DIAPH2: variants seen among roughly 807,000 people sequenced by gnomAD.
DIAPH2 encodes the protein diaphanous related formin 2, also known as protein diaphanous homolog 2.
DIAPH2 carries 35 observed loss-of-function variants against 92.7 expected under a neutral mutation model. The observed-to-expected ratio is 0.38, with a 90% CI of 0.29 to 0.50. The LOEUF is 0.50. Among genes scored for constraint, DIAPH2 ranks in the 20% least tolerant of loss-of-function variants. The pLI is 0.94. For synonymous variants in DIAPH2, 301 were observed against 280.4 expected, an observed-to-expected ratio of 1.07 and a Z score of -0.73; for missense variants, 701 against 819.5, an observed-to-expected ratio of 0.86 and a Z score of 1.77.
chrX:96,831,427 G>A (rs1293925754), intron 4 of DIAPH2, among the ~76,000 whole-genome samples: 1 of 112,060 alleles, frequency 8.9e-6, no homozygotes, highest in African/African-American at 3.2e-5. Flanking sequence ...TTTTGGCTCT[G>A]CCATTTACAG....
At position 97,052,204 on chromosome X, in the gene DIAPH2, A is replaced by G. The variant is rs183811195; in HGVS notation, c.2051-20737A>G. ...GACAAGGAGAGACATGGGCGTCATC[A>G]TGGAAGCAGAGGTAATTGAGCTGTG... is the stretch of plus-strand genomic sequence containing the variant. On this transcript the variant is annotated intron_variant, in intron 17 of 26. Transcript: ENST00000324765. 4.6e-4 allele frequency among the ~76,000 whole-genome samples: 51 copies of G among 111,527 alleles called. 1 individual carries two copies. The highest frequency in any genetic ancestry group is 1.1e-3 in the South Asian group (3 of 2,653).
intron 25 of DIAPH2, among the ~76,000 whole-genome samples, chrX:97,408,585 T>C (rs191405667): frequency 3.4e-3 from 375 of 111,797 alleles, no homozygotes; most frequent in African/African-American, 0.012. Context: ...AATATGTATT[T>C]ATAAAAATTG....
chrX:97,009,867 C>G (rs2066211998), intron 17 of DIAPH2, among the ~76,000 whole-genome samples: 1 of 111,476 alleles, frequency 9.0e-6, no homozygotes, highest in Non-Finnish European at 1.9e-5. Context: ...GAAGGGGTCT[C>G]TACCTAAGCT....
At chrX:97,499,788 A>C (rs2070783034) in intron 26 of DIAPH2, among the ~76,000 whole-genome samples, 1 of 112,619 alleles carries the variant, frequency 8.9e-6, no homozygotes, top group Non-Finnish European at 1.9e-5. Context: ...AACTTTAATT[A>C]TAATTATGAA....
intron 5 of DIAPH2, among the ~76,000 whole-genome samples, chrX:96,889,483 A>G (rs1383276696): frequency 8.9e-6 from 1 of 111,999 alleles, no homozygotes; most frequent in African/African-American, 3.2e-5. Context: ...ATTAAGAGTT[A>G]ATTTCCTTTG....
chrX:97,328,164 G>A (rs2147663623), intron 23 of DIAPH2, among the ~76,000 whole-genome samples: 1 of 111,726 alleles, frequency 9.0e-6, no homozygotes, highest in African/African-American at 3.2e-5. Flanking sequence ...GCCAGGCGGA[G>A]TGTCTCATGC....
At chrX:96,729,891 T>A (rs746058009) in intron 1 of DIAPH2, among the ~76,000 whole-genome samples, 2 of 112,066 alleles carry the variant, frequency 1.8e-5, no homozygotes, top group Non-Finnish European at 3.8e-5. Flanking sequence ...AATGATGAAA[T>A]GGACAGTTCA....
Position 97,383,936 on chromosome X carries a change from A to C in DIAPH2, c.3037A>C (p.Arg1013=). 1 of 1,202,891 alleles carries C rather than the reference A, an allele frequency of 8.3e-7. No homozygotes were observed. The highest frequency in any genetic ancestry group is 1.8e-5 in the South Asian group (1 of 54,696). Residue 1013 remains arginine (R), a synonymous_variant, in exon 25 of 27, where the codon AGA becomes CGA. Transcript: ENST00000324765. ...LEAVRENNKR[R]EMEEKTRRAK... ...AGCAGTGAGAGAAAACAATAAGAGA[A>C]GAGAAATGGAAGAGAAGACCAGGAG...
At chrX:96,785,499 G>A (rs1255081443) in intron 4 of DIAPH2, among the ~76,000 whole-genome samples, 1 of 64,997 alleles carries the variant, frequency 1.5e-5, no homozygotes, top group Admixed American at 2.1e-4. Flanking sequence ...TTTTTTTTTG[G>A]AGACAGAGTT....
rs187553003 is a variant in DIAPH2 at position 97,591,002 on chromosome X, T to C, written c.3242-8251T>C. On this transcript the variant is annotated intron_variant, in intron 26 of 26. Coordinates refer to ENST00000324765, the MANE Select transcript of DIAPH2 (RefSeq NM_006729.5). ...ATATTTTATTTCATTATTTTCTTCC[T>C]TAGAAAATAAAGGTTAAATATGTAT... 8.5e-3 allele frequency among the ~76,000 whole-genome samples: 953 copies of C among 112,494 alleles called. 6 individuals are homozygous for C. Among genetic ancestry groups the C allele is most frequent in the African/African-American group, 0.03 (918 of 30,934 alleles).
At chrX:97,597,515 T>C (rs921722961) in intron 26 of DIAPH2, among the ~76,000 whole-genome samples, 13 of 111,431 alleles carry the variant, frequency 1.2e-4, no homozygotes, top group Non-Finnish European at 5.6e-5. Flanking sequence ...TGTGGATGCC[T>C]GTTGACCTTA....
intron 26 of DIAPH2, among the ~76,000 whole-genome samples, chrX:97,593,623 T>A (rs963716589): frequency 2.7e-5 from 3 of 111,476 alleles, no homozygotes; most frequent in Non-Finnish European, 5.7e-5. Context: ...TTTAGTTTCA[T>A]AAAAACAGCA....
intron 23 of DIAPH2, among the ~76,000 whole-genome samples, chrX:97,337,083 G>C (rs1007288398): frequency 9.3e-6 from 1 of 107,740 alleles, no homozygotes; most frequent in Non-Finnish European, 1.9e-5. Context: ...TACTATCTTT[G>C]TTATATTATT....
chrX:97,366,884 G>A (rs913913073), intron 24 of DIAPH2, among the ~76,000 whole-genome samples: 6 of 111,225 alleles, frequency 5.4e-5, no homozygotes, highest in African/African-American at 2.0e-4. Context: ...TTATTTTTAT[G>A]AGTGCTTAAG....
intron 24 of DIAPH2, among the ~76,000 whole-genome samples, chrX:97,373,649 C>T (rs1282337722): frequency 7.2e-5 from 7 of 97,373 alleles, no homozygotes; most frequent in African/African-American, 2.3e-4. Context: ...CTCTTGTTGC[C>T]CAGGCTGGAG....
intron 5 of DIAPH2, among the ~76,000 whole-genome samples, chrX:96,896,927 CTATAA>C (rs2065348722): frequency 1.8e-5 from 2 of 111,400 alleles, no homozygotes; most frequent in South Asian, 7.5e-4. Flanking sequence ...GTTTATTTCA[CTATAA>C]TATAAGAAAA....
chrX:96,686,689 C>T (rs752867024), intron 1 of DIAPH2, among the ~76,000 whole-genome samples: 17 of 111,236 alleles, frequency 1.5e-4, no homozygotes, highest in Non-Finnish European at 2.1e-4. Flanking sequence ...TTGAGCCTTA[C>T]GTGATTTTAC....
intron 1 of DIAPH2, chrX:96,701,536 G>T (rs2147525113): frequency 9.1e-6 from 1 of 110,115 alleles, no homozygotes; most frequent in South Asian, 3.9e-4. Flanking sequence ...GTAGTGAGAA[G>T]TGGGGAAAGA....
chrX:97,332,097 G>A (rs1439891724), intron 23 of DIAPH2, among the ~76,000 whole-genome samples: 1 of 111,394 alleles, frequency 9.0e-6, no homozygotes, highest in Non-Finnish European at 1.9e-5. Flanking sequence ...AGAATAGGGA[G>A]TTTCCTACAC....
Sources: allele counts gnomAD v4.1 joint callset (sites outside exome capture counted in the v4.1 genomes callset), GRCh38; gene constraint gnomAD v4.1.1; transcripts MANE v1.5; gene names NCBI Gene and HGNC (gene_info 2026-07-23, HGNC 2026-07-21).